Variants in VPS37A observed in about 807,000 individuals in gnomAD.
VPS37A encodes the protein VPS37A subunit of ESCRT-I, also known as vacuolar protein sorting-associated protein 37A.
Under a neutral mutation model 49.8 loss-of-function variants are expected in VPS37A, and 30 were observed. The ratio of observed to expected loss-of-function variants is 0.60; its 90% CI spans 0.45 to 0.82. VPS37A has a LOEUF of 0.82. VPS37A is among the 40% of genes least tolerant of loss of function. The pLI is 0.00. For synonymous variants in VPS37A, 195 were observed against 160.6 expected, an observed-to-expected ratio of 1.21 and a Z score of -1.62; for missense variants, 593 against 464.4, an observed-to-expected ratio of 1.28 and a Z score of -2.55.
At chr8:17,305,802 A>T (rs1359122778), downstream of VPS37A, 5 of 1,613,628 alleles carry the variant, frequency 3.1e-6, no homozygotes, top group Non-Finnish European at 4.2e-6. Context: ...GAAGTTTCCA[A>T]ACTGGCAGGA....
rs528999970 is a variant in VPS37A, at chr8:17,268,179, G to T, written c.201-79G>T. On this transcript the variant is annotated intron_variant, in intron 2 of 11. Coordinates refer to ENST00000324849, the MANE Select transcript of VPS37A (RefSeq NM_152415.3). ...TGAAAATTTAATTTACTTTTAAATA[G>T]CTTTGTTTTAAGATTTTGACCATAT... is the stretch of plus-strand genomic sequence containing the variant. 1.1e-4 allele frequency: 106 copies of T among 961,826 alleles called. No homozygotes were observed. The African/African-American group carries it at 1.7e-3, about 15-fold the overall frequency. The allele number at this position is 961,826 out of a possible 1,614,324, so 59.6% of individuals were successfully genotyped here.
At chr8:17,292,917 C>A (rs572029344) in intron 11 of VPS37A, among the ~76,000 whole-genome samples, 39 of 152,274 alleles carry the variant, frequency 2.6e-4, no homozygotes, top group African/African-American at 9.4e-4. Flanking sequence ...CTTGGTAAAT[C>A]TGACAATTAC....
At chr8:17,267,303 T>C (rs1296040086) in intron 2 of VPS37A, among the ~76,000 whole-genome samples, 1 of 152,090 alleles carries the variant, frequency 6.6e-6, no homozygotes, top group African/African-American at 2.4e-5. Context: ...GACCAACAAA[T>C]AGTTGTCTGA....
Position 17,297,436 on chromosome 8 carries a change from G to GTAAAC in VPS37A, c.*2454_*2458dup, listed in dbSNP as rs1011275826. The GTAAAC allele has an allele frequency of 8.6e-5, 13 of 151,740 alleles. No homozygotes were observed. The highest frequency in any genetic ancestry group is 2.9e-4 in the African/African-American group (12 of 41,516). 9.4% of individuals were successfully genotyped at this position (151,740 alleles called of 1,614,324 possible). ...TCAGATTCATTTTTAGGAGAAGAAA[G>GTAAAC]TAAACTAATGTGCTCTTAAAGAATA... On this transcript the variant is annotated 3_prime_UTR_variant, in exon 12 of 12. Coordinates refer to ENST00000324849, the MANE Select transcript of VPS37A (RefSeq NM_152415.3).
chr8:17,255,337 C>T (rs749182954), intron 1 of VPS37A, among the ~76,000 whole-genome samples: 8 of 151,802 alleles, frequency 5.3e-5, no homozygotes, highest in East Asian at 1.9e-4. Context: ...AAATATTAGC[C>T]GGGCATGGTA....
chr8:17,303,597 C>T (rs11786260), downstream of VPS37A, among the ~76,000 whole-genome samples: 3,990 of 141,566 alleles, frequency 0.028, 83 homozygotes, highest in Non-Finnish European at 0.041. Flanking sequence ...CCCATTCTCC[C>T]CATACATACA....
chr8:17,278,239 G>A (rs992776250), intron 6 of VPS37A, among the ~76,000 whole-genome samples: 6 of 151,860 alleles, frequency 4.0e-5, no homozygotes, highest in African/African-American at 1.5e-4. Flanking sequence ...CCTTTTTTTA[G>A]TGACATTAAG....
At chr8:17,310,866 G>C in the VPS37A span, among the ~76,000 whole-genome samples, 1 of 152,036 alleles carries the variant, frequency 6.6e-6, no homozygotes, top group South Asian at 2.1e-4. Flanking sequence ...TTCATTTTAA[G>C]GAACTTATAC....
intron 1 of VPS37A, among the ~76,000 whole-genome samples, chr8:17,257,984 T>C (rs1812629667): frequency 6.6e-6 from 1 of 152,244 alleles, no homozygotes; most frequent in Admixed American, 6.5e-5. Context: ...GTTAATTTTG[T>C]ATCCTGCAAC....
chr8:17,288,455 G>A (rs1160448048), intron 11 of VPS37A, among the ~76,000 whole-genome samples: 1 of 152,116 alleles, frequency 6.6e-6, no homozygotes, highest in Non-Finnish European at 1.5e-5. Flanking sequence ...CCACTTATGA[G>A]TGAGAACATG....
chr8:17,309,277 C>T, the VPS37A span: 14 of 1,525,090 alleles, frequency 9.2e-6, no homozygotes, highest in African/African-American at 8.3e-5. Flanking sequence ...TATTACTTAC[C>T]GGTGATTAAA....
At chr8:17,317,464 A>T in the VPS37A span, among the ~76,000 whole-genome samples, 8 of 151,888 alleles carry the variant, frequency 5.3e-5, no homozygotes, top group Non-Finnish European at 1.2e-4. Context: ...TTACACTTTC[A>T]CTTAACCCCT....
rs1816352113 is a variant in VPS37A, at chr8:17,293,710, C to A, written c.*1-1277C>A. On this transcript the variant is annotated intron_variant, in intron 11 of 11. Coordinates refer to ENST00000324849, the MANE Select transcript of VPS37A (RefSeq NM_152415.3). ...TTAGTTGTCTTTCTAACAAGCCCCTCTTCTGCAGGTCTGCTGGAGTTTGCT... is the reference window on the plus strand; with the variant it reads ...TTAGTTGTCTTTCTAACAAGCCCCTATTCTGCAGGTCTGCTGGAGTTTGCT... Among the ~76,000 whole-genome samples the A allele has an allele frequency of 2.6e-5, 4 of 152,330 alleles. No individual in the cohort carries two copies. In the South Asian group the frequency reaches 6.2e-4, roughly 24 times the overall value.
At chr8:17,323,664 C>T in the VPS37A span, among the ~76,000 whole-genome samples, 1 of 152,066 alleles carries the variant, frequency 6.6e-6, no homozygotes, top group Non-Finnish European at 1.5e-5. Flanking sequence ...GGGGTCATTC[C>T]ACACACCTCA....
intron 4 of VPS37A, among the ~76,000 whole-genome samples, chr8:17,272,483 TTTAC>T (rs1240336136): frequency 2.0e-5 from 3 of 152,178 alleles, no homozygotes; most frequent in African/African-American, 7.2e-5. Flanking sequence ...AACCGACAAG[TTTAC>T]TTGTTTTCAT....
At chr8:17,300,072 G>C (rs770283749), downstream of VPS37A, 1 of 1,614,116 alleles carries the variant, frequency 6.2e-7, no homozygotes, top group Admixed American at 1.7e-5. Flanking sequence ...AAGGGCTCCG[G>C]GATGGAAATG....
chr8:17,285,714 C>T (rs918330336), intron 10 of VPS37A, among the ~76,000 whole-genome samples: 3 of 152,148 alleles, frequency 2.0e-5, no homozygotes, highest in Non-Finnish European at 4.4e-5. Context: ...GCATTGATTT[C>T]TGCTCCATTA....
chr8:17,330,197 T>G, the VPS37A span, among the ~76,000 whole-genome samples: 2 of 152,206 alleles, frequency 1.3e-5, no homozygotes, highest in Admixed American at 6.5e-5. Context: ...GAAGAACGGC[T>G]TAAGTAACTG....
chr8:17,248,080 A>G, intron 1 of VPS37A: 1 of 391,104 alleles, frequency 2.6e-6, no homozygotes, highest in Non-Finnish European at 4.8e-6. Context: ...AATTCATATT[A>G]TTTCAACTTT....
Sources: gnomAD v4.1 joint callset for allele counts (sites outside exome capture counted in the v4.1 genomes callset) on GRCh38, gnomAD v4.1.1 for gene constraint, MANE v1.5 for transcripts, NCBI Gene and HGNC (gene_info 2026-07-23, HGNC 2026-07-21) for gene names.